TMCC1: variants seen among roughly 807,000 people sequenced by gnomAD.
The protein encoded by TMCC1 is transmembrane and coiled-coil domain family 1.
A neutral mutation model predicts 52.4 loss-of-function variants in TMCC1; 15 were observed. The ratio of observed to expected loss-of-function variants is 0.29; its 90% CI spans 0.19 to 0.44. TMCC1 has a LOEUF of 0.44. Ranked by LOEUF, TMCC1 falls within the 20% of genes least tolerant of loss-of-function variation. TMCC1 has a pLI of 1.00. For synonymous variants in TMCC1, 279 were observed against 301.9 expected (o/e 0.92, Z 0.79); for missense variants, 503 against 806.0 (o/e 0.62, Z 4.55).
chr3:129,800,173 C>T (rs1030955813), intron 4 of TMCC1, among the ~76,000 whole-genome samples: 2 of 152,256 alleles, frequency 1.3e-5, no homozygotes, highest in African/African-American at 4.8e-5. Context: ...TTGTGTGTAA[C>T]AGTTCTTTAT....
chr3:129,749,678 C>A (rs1345395177), intron 4 of TMCC1, among the ~76,000 whole-genome samples: 1 of 152,044 alleles, frequency 6.6e-6, no homozygotes, highest in East Asian at 1.9e-4. Flanking sequence ...TATCTAGATT[C>A]TAGATAAAAC....
chr3:129,809,440 A>G (rs1444400138), intron 4 of TMCC1, among the ~76,000 whole-genome samples: 1 of 152,156 alleles, frequency 6.6e-6, no homozygotes, highest in Admixed American at 6.5e-5. Context: ...ACACAAACAC[A>G]TATCTGAAAT....
chr3:129,660,998 G>A (rs2086986085), intron 5 of TMCC1, among the ~76,000 whole-genome samples: 1 of 152,144 alleles, frequency 6.6e-6, no homozygotes, highest in African/African-American at 2.4e-5. Flanking sequence ...TATAGAAACT[G>A]CTAATCCTCA....
chr3:129,821,126 T>C (rs2058397747), intron 4 of TMCC1, among the ~76,000 whole-genome samples: 1 of 152,200 alleles, frequency 6.6e-6, no homozygotes, highest in Non-Finnish European at 1.5e-5. Flanking sequence ...GCCTGTATCA[T>C]TCTAAGATCT....
At chr3:129,676,036 C>CAA (rs61105005) in intron 4 of TMCC1, among the ~76,000 whole-genome samples, 1,014 of 45,816 alleles carry the variant, frequency 0.022, 72 homozygotes, top group African/African-American at 0.07. Context: ...GACTCTGTCT[C>CAA]AAAAAAAAAA....
intron 4 of TMCC1, among the ~76,000 whole-genome samples, chr3:129,821,800 C>G (rs1392361568): frequency 6.6e-6 from 1 of 152,158 alleles, no homozygotes; most frequent in Non-Finnish European, 1.5e-5. Flanking sequence ...TGCAGTGGCT[C>G]ACACCTGTAA....
chr3:129,804,695 C>T (rs907286860), intron 4 of TMCC1, among the ~76,000 whole-genome samples: 13 of 152,050 alleles, frequency 8.5e-5, no homozygotes, highest in South Asian at 6.2e-4. Flanking sequence ...TTTGTGGGCA[C>T]GGTATATCTA....
chr3:129,684,817 T>G (rs186680303), intron 4 of TMCC1, among the ~76,000 whole-genome samples: 1 of 152,164 alleles, frequency 6.6e-6, no homozygotes, highest in African/African-American at 2.4e-5. Context: ...TAGGAGCAGA[T>G]AGATGGGGAA....
intron 2 of TMCC1, among the ~76,000 whole-genome samples, chr3:129,875,186 C>T (rs975656696): frequency 4.0e-5 from 6 of 149,920 alleles, no homozygotes; most frequent in Admixed American, 1.3e-4. Context: ...GATTCCATTG[C>T]TATTTAAAAA....
chr3:129,703,955 C>T (rs542644706), intron 4 of TMCC1, among the ~76,000 whole-genome samples: 6 of 152,124 alleles, frequency 3.9e-5, no homozygotes, highest in East Asian at 1.9e-4. Flanking sequence ...AAAGAAGAGA[C>T]GTGAGACCAG....
At chr3:129,880,593 A>C (rs1236935771) in intron 1 of TMCC1, 34 bp from the exon 2 acceptor site, 1 of 152,126 alleles carries the variant, frequency 6.6e-6, no homozygotes, top group Non-Finnish European at 1.5e-5. Context: ...AAGGAGAAAG[A>C]ACTACTGAAT....
At chr3:129,653,679 C>A (rs895439960) in intron 6 of TMCC1, among the ~76,000 whole-genome samples, 1 of 152,014 alleles carries the variant, frequency 6.6e-6, no homozygotes, top group African/African-American at 2.4e-5. Context: ...ACCTTGTGAT[C>A]CGCCCGCCTC....
rs548895984 is a variant in TMCC1 at position 129,686,669 on chromosome 3, T to C, written c.577-15405A>G. On this transcript the variant is annotated intron_variant, in intron 4 of 6. Coordinates refer to ENST00000393238, the MANE Select transcript of TMCC1 (RefSeq NM_001017395.5). ...GAGAAAAACCAGTAACCAAACAATA[T>C]AAATTGTGTAAAGTGCTACAAAGAA... is the stretch of plus-strand genomic sequence containing the variant. Among the ~76,000 whole-genome samples the C allele has an allele frequency of 3.8e-4, 58 of 152,144 alleles. No homozygotes were observed. The South Asian group carries it at 0.012, about 30-fold the overall frequency.
chr3:129,674,064 T>C (rs916274892), intron 4 of TMCC1, among the ~76,000 whole-genome samples: 1 of 152,202 alleles, frequency 6.6e-6, no homozygotes, highest in East Asian at 1.9e-4. Context: ...CTAGAAACAA[T>C]AGGCTATACC....
chr3:129,863,689 C>T (rs1280830506), intron 2 of TMCC1, among the ~76,000 whole-genome samples: 2 of 152,032 alleles, frequency 1.3e-5, no homozygotes, highest in Non-Finnish European at 2.9e-5. Context: ...TGGTGAAACC[C>T]CGTCTCTACT....
intron 2 of TMCC1, among the ~76,000 whole-genome samples, chr3:129,844,267 A>G (rs190391611): frequency 6.6e-6 from 1 of 152,312 alleles, no homozygotes; most frequent in Admixed American, 6.5e-5. Context: ...GTAATGTATA[A>G]AAAGCTAAAA....
At chr3:129,654,817 C>T (rs951053597) in intron 6 of TMCC1, 151 bp downstream of exon 6, 6 of 1,134,730 alleles carry the variant, frequency 5.3e-6, no homozygotes, top group Non-Finnish European at 7.3e-6. Flanking sequence ...AGAAATGCAT[C>T]TCAATCATTT....
At chr3:129,733,780 T>C (rs1216922764) in intron 4 of TMCC1, among the ~76,000 whole-genome samples, 6 of 152,174 alleles carry the variant, frequency 3.9e-5, no homozygotes, top group Admixed American at 3.9e-4. Flanking sequence ...ATTTCCTGAA[T>C]TAAAATATCT....
At chr3:129,739,218 A>T (rs544925996) in intron 4 of TMCC1, among the ~76,000 whole-genome samples, 5 of 152,202 alleles carry the variant, frequency 3.3e-5, no homozygotes, top group Admixed American at 2.0e-4. Flanking sequence ...CCCAGGCTGG[A>T]GTGCAGTGGC....
Sources: gnomAD v4.1 joint callset for allele counts (sites outside exome capture counted in the v4.1 genomes callset) on GRCh38, gnomAD v4.1.1 for gene constraint, MANE v1.5 for transcripts, NCBI Gene and HGNC (gene_info 2026-07-23, HGNC 2026-07-21) for gene names.